The following TMC1 variants were observed in gnomAD, a reference collection of about 807,000 sequenced individuals.
The protein encoded by TMC1 is transmembrane channel like 1.
Under a neutral mutation model 105.8 loss-of-function variants are expected in TMC1, and 84 were observed. The ratio of observed to expected loss-of-function variants is 0.79; its 90% confidence interval spans 0.67 to 0.95. The LOEUF is 0.95. Ranked by LOEUF, TMC1 falls within the 40% of genes least tolerant of loss-of-function variation. TMC1 has a pLI of 0.00. For synonymous variants in TMC1, 315 were observed against 311.5 expected (o/e 1.01, Z -0.12); for missense variants, 817 against 914.1 (o/e 0.89, Z 1.37).
intron 23 of TMC1, among the ~76,000 whole-genome samples, chr9:72,832,935 T>G (rs1829064855): frequency 6.6e-6 from 1 of 152,180 alleles, no homozygotes; most frequent in Admixed American, 6.5e-5. Context: ...TCCCCTGCAC[T>G]CAAATACCCT....
chr9:72,816,499 G>T (rs555821448), intron 19 of TMC1, among the ~76,000 whole-genome samples: 1 of 152,006 alleles, frequency 6.6e-6, no homozygotes, highest in Non-Finnish European at 1.5e-5. Flanking sequence ...GTGACGCCAG[G>T]ATCTAATATT....
chr9:72,667,510 A>T (rs1224094917), intron 5 of TMC1, among the ~76,000 whole-genome samples: 1 of 152,208 alleles, frequency 6.6e-6, no homozygotes, highest in East Asian at 1.9e-4. Flanking sequence ...TATACCTTTT[A>T]CAATTCTTTC....
At chr9:72,796,141 G>T (rs1194353592) in intron 17 of TMC1, among the ~76,000 whole-genome samples, 1 of 151,976 alleles carries the variant, frequency 6.6e-6, no homozygotes, top group Non-Finnish European at 1.5e-5. Context: ...GCAACAAGAA[G>T]ACCTAACTAT....
intron 1 of TMC1, among the ~76,000 whole-genome samples, chr9:72,536,567 C>T (rs969110617): frequency 3.3e-5 from 5 of 152,106 alleles, no homozygotes; most frequent in South Asian, 2.1e-4. Flanking sequence ...CTCCTGACCT[C>T]GTGATCCGCC....
At chr9:72,707,820 A>C (rs1415958305) in intron 8 of TMC1, among the ~76,000 whole-genome samples, 3 of 152,152 alleles carry the variant, frequency 2.0e-5, no homozygotes, top group African/African-American at 7.2e-5. Context: ...GTTCTTGGTC[A>C]TGAAGTCTTT....
At chr9:72,818,118 C>T (rs973202232) in intron 19 of TMC1, among the ~76,000 whole-genome samples, 1 of 152,096 alleles carries the variant, frequency 6.6e-6, no homozygotes, top group African/African-American at 2.4e-5. Flanking sequence ...GCACAAAGGT[C>T]CTCACACACA....
At chr9:72,751,072 C>G (rs535881447) in intron 10 of TMC1, among the ~76,000 whole-genome samples, 1 of 152,316 alleles carries the variant, frequency 6.6e-6, no homozygotes, top group Non-Finnish European at 1.5e-5. Flanking sequence ...CCTGTAGGAC[C>G]TGCTATTATC....
chr9:72,802,395 G>A (rs1828490658), intron 17 of TMC1, among the ~76,000 whole-genome samples: 1 of 152,100 alleles, frequency 6.6e-6, no homozygotes, highest in Non-Finnish European at 1.5e-5. Context: ...ATTTATGAGT[G>A]TACAGAAATT....
chr9:72,835,765 A>C lies in TMC1; in HGVS notation c.2261-186A>C, dbSNP rs547166608. Among the ~76,000 whole-genome samples, 6 of 150,764 alleles carry C rather than the reference A, an allele frequency of 4.0e-5. No individual in the cohort carries two copies. The South Asian group carries it at 1.3e-3, about 31-fold the overall frequency. ...GCCTTTGCAAACTAAGAAACATGGA[A>C]ATATTTTGAACATTAAAATGGTAAA... On this transcript the variant is annotated intron_variant, in intron 23 of 23. Coordinates refer to ENST00000297784, the MANE Select transcript of TMC1 (RefSeq NM_138691.3).
In TMC1 at chr9:72,669,772, A is replaced by G. The variant is rs896032753; in HGVS notation, c.17-18937A>G. On this transcript the variant is annotated intron_variant, in intron 5 of 23. Coordinates refer to ENST00000297784, the MANE Select transcript of TMC1 (RefSeq NM_138691.3). ...ATAGTTAGCACAAATAGATTTCTCA[A>G]TGTGGTTAAGATGAAATACAGATAC... is the stretch of plus-strand genomic sequence containing the variant. Among the ~76,000 whole-genome samples the G allele has an allele frequency of 2.6e-5, 4 of 152,264 alleles. No individual in the cohort carries two copies. In the East Asian group the frequency reaches 5.8e-4, roughly 22 times the overall value.
chr9:72,541,963 C>CA (rs943108560), intron 1 of TMC1, among the ~76,000 whole-genome samples: 1 of 151,790 alleles, frequency 6.6e-6, no homozygotes, highest in East Asian at 1.9e-4. Context: ...AAAACAAAAA[C>CA]AAAAAAACAC....
At chr9:72,688,182 T>C (rs1027693225) in intron 5 of TMC1, among the ~76,000 whole-genome samples, 7 of 152,124 alleles carry the variant, frequency 4.6e-5, no homozygotes, top group Non-Finnish European at 8.8e-5. Flanking sequence ...ATTAATATAA[T>C]ACGTATAAAA....
intron 8 of TMC1, among the ~76,000 whole-genome samples, chr9:72,703,577 A>G (rs1382597813): frequency 6.6e-6 from 1 of 152,202 alleles, no homozygotes; most frequent in East Asian, 1.9e-4. Flanking sequence ...AATTTGCACC[A>G]TTCTCAAACA....
At chr9:72,596,037 C>T (rs1456104514) in intron 2 of TMC1, among the ~76,000 whole-genome samples, 1 of 151,832 alleles carries the variant, frequency 6.6e-6, no homozygotes, top group Non-Finnish European at 1.5e-5. Flanking sequence ...CCACCACGCC[C>T]GGCTAATTTT....
At chr9:72,803,752 A>G (rs1554728881) in intron 17 of TMC1, among the ~76,000 whole-genome samples, 1 of 152,210 alleles carries the variant, frequency 6.6e-6, no homozygotes, top group Non-Finnish European at 1.5e-5. Flanking sequence ...GTGAGGCTGC[A>G]GAGAGATAGG....
In TMC1 at chr9:72,788,364, G is replaced by A. The variant is rs1008565149; in HGVS notation, c.910G>A (p.Gly304Arg). The change falls in exon 14 of 24, where the codon GGA (glycine) becomes AGA (arginine). Residue 304 changes from glycine to arginine, a missense_variant. Coordinates refer to ENST00000297784, the MANE Select transcript of TMC1 (RefSeq NM_138691.3). ...AATGACCAAAAACATTGGTGATGAT[G>A]GAGGTGGAGATGACAACACTTTCAA... ...KAMTKNIGDD[G>R]GGDDNTFNFS... 5.0e-6 allele frequency: 8 copies of A among 1,613,882 alleles called. No homozygotes were observed. Among genetic ancestry groups the A allele is most frequent in the Non-Finnish European group, 6.8e-6 (8 of 1,179,932 alleles).
At chr9:72,648,250 A>G (rs898836150) in intron 4 of TMC1, among the ~76,000 whole-genome samples, 15 of 152,148 alleles carry the variant, frequency 9.9e-5, no homozygotes, top group Admixed American at 3.3e-4. Flanking sequence ...ACTCACTTAC[A>G]CTGCCCTCAA....
At chr9:72,770,292 A>G (rs1827904154) in intron 12 of TMC1, among the ~76,000 whole-genome samples, 1 of 148,982 alleles carries the variant, frequency 6.7e-6, no homozygotes, top group South Asian at 2.1e-4. Context: ...ATACATATAT[A>G]TATATATAAA....
At chr9:72,805,182 C>T (rs573442379) in intron 17 of TMC1, 200 bp from the exon 18 acceptor site, 22 of 437,436 alleles carry the variant, frequency 5.0e-5, no homozygotes, top group Non-Finnish European at 6.8e-5. Flanking sequence ...ATTTAGTAAA[C>T]GGGAAATAAT....
Sources: allele counts gnomAD v4.1 joint callset (sites outside exome capture counted in the v4.1 genomes callset), GRCh38; gene constraint gnomAD v4.1.1; transcripts MANE v1.5; gene names NCBI Gene and HGNC (gene_info 2026-07-23, HGNC 2026-07-21).